The following FAM81A variants were observed in gnomAD, a reference collection of about 807,000 sequenced individuals.
FAM81A encodes the protein protein FAM81A.
FAM81A carries 19 observed loss-of-function variants against 46.7 expected under a neutral mutation model. That is an observed-to-expected ratio of 0.41 (90% confidence interval 0.28 to 0.60). FAM81A has a LOEUF of 0.60. Among genes scored for constraint, FAM81A ranks in the 20% least tolerant of loss-of-function variants. The pLI is 0.34. For synonymous variants in FAM81A, 183 were observed against 152.9 expected (o/e 1.20, Z -1.45); for missense variants, 377 against 453.5 (o/e 0.83, Z 1.53).
intron 2 of FAM81A, among the ~76,000 whole-genome samples, chr15:59,430,660 G>A (rs2081216111): frequency 6.6e-6 from 1 of 152,182 alleles, no homozygotes; most frequent in African/African-American, 2.4e-5. Context: ...CTGTGACAAT[G>A]TCACTCATTG....
At chr15:59,420,271 A>T (rs1356762480) in intron 2 of FAM81A, among the ~76,000 whole-genome samples, 1 of 152,222 alleles carries the variant, frequency 6.6e-6, no homozygotes, top group African/African-American at 2.4e-5. Context: ...AGTTTAAGTG[A>T]CTAGGACTTG....
At chr15:59,415,117 GT>G (rs578095929) in intron 2 of FAM81A, among the ~76,000 whole-genome samples, 8,869 of 133,524 alleles carry the variant, frequency 0.066, 441 homozygotes, top group African/African-American at 0.15. Context: ...TGCCCAGCCT[GT>G]TTTTTTTTTT....
At chr15:59,497,992 G>A (rs2082052147) in intron 4 of FAM81A, among the ~76,000 whole-genome samples, 1 of 152,158 alleles carries the variant, frequency 6.6e-6, no homozygotes, top group South Asian at 2.1e-4. Flanking sequence ...GAGTAGCTGG[G>A]ACTACAGGCA....
At chr15:59,476,387 G>C (rs10450987) in intron 3 of FAM81A, among the ~76,000 whole-genome samples, 126,921 of 152,144 alleles carry the variant, frequency 0.83, 53,359 homozygotes, top group African/African-American at 0.94. Context: ...CACGCTTGGT[G>C]AACATATGAA....
intron 1 of FAM81A, among the ~76,000 whole-genome samples, chr15:59,451,288 A>G (rs1348996927): frequency 6.6e-6 from 1 of 152,054 alleles, no homozygotes; most frequent in Non-Finnish European, 1.5e-5. Flanking sequence ...GCACAGCTAT[A>G]TGGGAAGCTA....
At chr15:59,484,645 G>C (rs1195063441) in intron 3 of FAM81A, among the ~76,000 whole-genome samples, 1 of 152,200 alleles carries the variant, frequency 6.6e-6, no homozygotes, top group Admixed American at 6.5e-5. Context: ...CATGGGCCTT[G>C]GGTAAGACTC....
intron 6 of FAM81A, among the ~76,000 whole-genome samples, chr15:59,512,663 T>C (rs1468152182): frequency 6.6e-6 from 1 of 152,078 alleles, no homozygotes; most frequent in Non-Finnish European, 1.5e-5. Context: ...TGGCAGGGGT[T>C]CACGGTTGTG....
intron 2 of FAM81A, among the ~76,000 whole-genome samples, chr15:59,423,324 T>G (rs1435762069): frequency 6.6e-6 from 1 of 152,150 alleles, no homozygotes; most frequent in African/African-American, 2.4e-5. Context: ...GGTCTCGATC[T>G]CCTCACCTCG....
At chr15:59,492,539 G>A (rs755018600) in intron 4 of FAM81A, 150 bp downstream of exon 4, 2 of 642,910 alleles carry the variant, frequency 3.1e-6, no homozygotes, top group Middle Eastern at 2.8e-4. Context: ...AAATCCAGTG[G>A]TAGGAGTTAA....
At chr15:59,510,614 A>T (rs1444086941) in intron 6 of FAM81A, among the ~76,000 whole-genome samples, 1 of 151,700 alleles carries the variant, frequency 6.6e-6, no homozygotes, top group Non-Finnish European at 1.5e-5. Context: ...GTTTCAGACA[A>T]ATAAGAACTC....
intron 3 of FAM81A, among the ~76,000 whole-genome samples, chr15:59,465,838 C>T (rs953312022): frequency 5.9e-5 from 9 of 152,092 alleles, no homozygotes; most frequent in African/African-American, 1.2e-4. Context: ...AATGCTATCC[C>T]GCCCCCAGCC....
intron 2 of FAM81A, among the ~76,000 whole-genome samples, chr15:59,422,604 G>A (rs1272807129): frequency 6.6e-6 from 1 of 152,074 alleles, no homozygotes; most frequent in Non-Finnish European, 1.5e-5. Context: ...AGCCTCCGAA[G>A]TAGCTGGGAC....
intron 3 of FAM81A, among the ~76,000 whole-genome samples, chr15:59,462,155 A>T (rs1184415456): frequency 6.7e-6 from 1 of 150,104 alleles, no homozygotes; most frequent in Admixed American, 6.7e-5. Context: ...GTGAGCCAAG[A>T]CCATGCCACT....
At chr15:59,411,518 C>T (rs1408248401) in intron 2 of FAM81A, among the ~76,000 whole-genome samples, 3 of 152,200 alleles carry the variant, frequency 2.0e-5, no homozygotes, top group Admixed American at 6.5e-5. Flanking sequence ...AGCACAGCTG[C>T]ACCCACTTCT....
chr15:59,465,633 A>C (rs576081808), intron 3 of FAM81A, among the ~76,000 whole-genome samples: 12 of 151,954 alleles, frequency 7.9e-5, no homozygotes, highest in Middle Eastern at 3.4e-3. Context: ...GTTCCATACA[A>C]ATTTTAGGGT....
intron 2 of FAM81A, among the ~76,000 whole-genome samples, chr15:59,406,377 T>C (rs953017765): frequency 1.1e-4 from 17 of 152,238 alleles, no homozygotes; most frequent in Non-Finnish European, 2.2e-4. Context: ...TGAAATCATT[T>C]ATTTCAGTTC....
At chr15:59,519,166 A>T (rs2082299773) in intron 8 of FAM81A, among the ~76,000 whole-genome samples, 1 of 150,208 alleles carries the variant, frequency 6.7e-6, no homozygotes, top group Non-Finnish European at 1.5e-5. Flanking sequence ...CCACCATTTT[A>T]TTCTCTATGT....
intron 2 of FAM81A, among the ~76,000 whole-genome samples, chr15:59,415,215 T>C (rs1398743891): frequency 6.6e-6 from 1 of 150,884 alleles, no homozygotes; most frequent in Admixed American, 6.6e-5. Context: ...GCCTCCTGGG[T>C]TCAAGCAATT....
At chr15:59,448,430 A>G (rs2081375135) in intron 1 of FAM81A, among the ~76,000 whole-genome samples, 2 of 152,172 alleles carry the variant, frequency 1.3e-5, no homozygotes, top group Admixed American at 6.5e-5. Context: ...TGTTTGCACC[A>G]TCTAAACTGT....
Sources: allele counts gnomAD v4.1 joint callset (sites outside exome capture counted in the v4.1 genomes callset), GRCh38; gene constraint gnomAD v4.1.1; transcripts MANE v1.5; gene names NCBI Gene and HGNC (gene_info 2026-07-23, HGNC 2026-07-21).